LRRC8A: variants seen among roughly 807,000 people sequenced by gnomAD.
LRRC8A encodes the protein volume-regulated anion channel subunit LRRC8A.
A neutral mutation model predicts 52.5 loss-of-function variants in LRRC8A; 24 were observed. The observed-to-expected ratio is 0.46, with a 90% CI of 0.33 to 0.64. LRRC8A has a LOEUF of 0.64. Ranked by LOEUF, LRRC8A falls within the 30% of genes least tolerant of loss-of-function variation. The pLI is 0.02. For synonymous variants in LRRC8A, 492 were observed against 494.2 expected (o/e 1.00, Z 0.06); for missense variants, 677 against 1,094.7 (o/e 0.62, Z 5.38).
intron 2 of LRRC8A, among the ~76,000 whole-genome samples, chr9:128,897,387 A>AT (rs1839857304): frequency 6.7e-6 from 1 of 149,466 alleles, no homozygotes; most frequent in African/African-American, 2.5e-5. Flanking sequence ...AATTTTTTAT[A>AT]TTTTTAGTAG....
intron 3 of LRRC8A, among the ~76,000 whole-genome samples, chr9:128,912,103 T>C (rs955615890): frequency 3.3e-5 from 5 of 152,250 alleles, no homozygotes; most frequent in Non-Finnish European, 5.9e-5. Context: ...GTTTGTTTTT[T>C]TGGTAGAGAC....
At position 128,892,823 on chromosome 9, in the gene LRRC8A, C is replaced by T. The variant is rs1016488103; in HGVS notation, c.-9+6702C>T. ...CCCTGGGAGAGCACTGGAGGGCCAG[C>T]CTTCCCATCTCTGGTACAGGAGGGG... is the stretch of plus-strand genomic sequence containing the variant. On this transcript the variant is annotated intron_variant, in intron 2 of 3. Transcript: ENST00000372600. The surrounding 1 kb of genome is among the most constrained non-coding windows in gnomAD (Gnocchi z 5.2). Among the ~76,000 whole-genome samples, 4 of 152,172 alleles carry T rather than the reference C, an allele frequency of 2.6e-5. No homozygotes were observed. Among genetic ancestry groups the T allele is most frequent in the Non-Finnish European group, 4.4e-5 (3 of 68,034 alleles).
chr9:128,889,630 G>A (rs1474096091), intron 2 of LRRC8A, among the ~76,000 whole-genome samples: 3 of 151,920 alleles, frequency 2.0e-5, no homozygotes, highest in Non-Finnish European at 1.5e-5. Flanking sequence ...GAGTAGCTGG[G>A]ACTACAGGTG....
intron 2 of LRRC8A, among the ~76,000 whole-genome samples, chr9:128,898,097 CAG>C (rs1839892428): frequency 7.0e-6 from 1 of 143,712 alleles, no homozygotes; most frequent in Non-Finnish European, 1.5e-5. Flanking sequence ...TAATTTATGG[CAG>C]AGGGGTTATG....
At position 128,909,003 on chromosome 9, in the gene LRRC8A, C is replaced by T; in HGVS notation, c.1839C>T (p.Leu613=). Residue 613 remains leucine (L), a synonymous_variant, in exon 3 of 4, where the codon CTC becomes CTT. Transcript: ENST00000372600. ...LERIPHSIFS[L]HNLQEIDLKD... ...GCATCCCCCACTCCATCTTCAGCCT[C>T]CACAACCTGCAGGAGATTGACCTCA... 1 of 1,614,182 alleles carries T rather than the reference C, an allele frequency of 6.2e-7. No homozygotes were observed. The highest frequency in any genetic ancestry group is 1.1e-5 in the South Asian group (1 of 91,086).
Position 128,892,235 on chromosome 9 carries a change from G to A in LRRC8A, c.-9+6114G>A, listed in dbSNP as rs1839651650. Among the ~76,000 whole-genome samples, 1 of 152,224 alleles carries A rather than the reference G, an allele frequency of 6.6e-6. No homozygotes were observed. Among genetic ancestry groups the A allele is most frequent in the Non-Finnish European group, 1.5e-5 (1 of 68,038 alleles). The stretch of plus-strand genomic sequence containing the variant: ...ATACTGGGCACTTAGTTGACGGTCA[G>A]TAACTGGGCGCTCCTGCCCCAGCCT... On this transcript the variant is annotated intron_variant, in intron 2 of 3. Coordinates refer to ENST00000372600, the MANE Select transcript of LRRC8A (RefSeq NM_019594.4). The surrounding 1 kb of genome is among the most constrained non-coding windows in gnomAD (Gnocchi z 5.2).
chr9:128,904,431 T>C (rs1256641586), intron 2 of LRRC8A, among the ~76,000 whole-genome samples: 1 of 151,864 alleles, frequency 6.6e-6, no homozygotes, highest in Non-Finnish European at 1.5e-5. Context: ...GGCAGGAGAA[T>C]CATGTGAACC....
At chr9:128,896,121 G>T (rs183239417) in intron 2 of LRRC8A, among the ~76,000 whole-genome samples, 1 of 152,176 alleles carries the variant, frequency 6.6e-6, no homozygotes, top group South Asian at 2.1e-4. Context: ...TTCCATGCAT[G>T]CTTTTGTATC....
rs1840320779 is a variant in LRRC8A at position 128,907,936 on chromosome 9, G to T, written c.772G>T (p.Asp258Tyr). ...KKFRTHVEEGDIVYRLYMRQT... is the reference protein window; with the variant it reads ...KKFRTHVEEGYIVYRLYMRQT... ...GTTCCGGACCCATGTGGAGGAGGGG[G>T]ACATTGTGTACCGCCTCTACATGCG... Residue 258 changes from aspartate (D) to tyrosine (Y), a missense_variant, in exon 3 of 4, where the codon GAC becomes TAC. By Grantham distance (160) the Asp-to-Tyr change is radical. Around this residue, in one of 4 missense-constraint regions of LRRC8A, gnomAD observed 422 missense variants for 741.5 expected, o/e 0.57. Transcript: ENST00000372600. The surrounding 1 kb of genome is among the most constrained non-coding windows in gnomAD (Gnocchi z 9.3). 6.2e-7 allele frequency: 1 copy of T among 1,614,094 alleles called. No individual in the cohort carries two copies. The highest frequency in any genetic ancestry group is 1.3e-5 in the African/African-American group (1 of 75,034).
rs1227126243 is a variant in LRRC8A at position 128,899,278 on chromosome 9, G to A, written c.-8-7879G>A. 6.6e-6 allele frequency among the ~76,000 whole-genome samples: 1 copy of A among 152,172 alleles called. No individual in the cohort carries two copies. Among genetic ancestry groups the A allele is most frequent in the Non-Finnish European group, 1.5e-5 (1 of 68,020 alleles). On this transcript the variant is annotated intron_variant, in intron 2 of 3. Transcript: ENST00000372600. The surrounding 1 kb of genome is among the most constrained non-coding windows in gnomAD (Gnocchi z 4.0). The stretch of plus-strand genomic sequence containing the variant: ...CCGAGCACAGGGAGGATAAGCAAGG[G>A]CACTTTCCGTAAGGCAGAGATAGCC...
intron 2 of LRRC8A, among the ~76,000 whole-genome samples, chr9:128,901,030 G>A (rs1390183427): frequency 6.6e-6 from 1 of 152,114 alleles, no homozygotes; most frequent in African/African-American, 2.4e-5. Context: ...AAAATTATCC[G>A]GGCATGGTGG....
Position 128,909,033 on chromosome 9 carries a change from C to CA in LRRC8A, c.1871dup (p.Asn624LysfsTer22). ...ACCTGCAGGAGATTGACCTCAAGGA[C>CA]AACAACCTCAAGACCATCGAGGAGA... On this transcript the variant is annotated frameshift_variant, in exon 3 of 4. Transcript: ENST00000372600. LOFTEE classifies it high-confidence loss of function. The CA allele has an allele frequency of 6.2e-7, 1 of 1,614,172 alleles. No homozygotes were observed. Among genetic ancestry groups the CA allele is most frequent in the Non-Finnish European group, 8.5e-7 (1 of 1,180,032 alleles).
rs567780373 is a variant in LRRC8A, at chr9:128,911,573, G to T, written c.2157+2252G>T. Among the ~76,000 whole-genome samples the T allele has an allele frequency of 1.3e-5, 2 of 152,044 alleles. No homozygotes were observed. The highest frequency in any genetic ancestry group is 2.9e-5 in the Non-Finnish European group (2 of 67,978). On this transcript the variant is annotated intron_variant, in intron 3 of 3. Coordinates refer to ENST00000372600, the MANE Select transcript of LRRC8A (RefSeq NM_019594.4). This position sits in a 1 kb window ranked among gnomAD's most constrained non-coding sequence, Gnocchi z 4.9. ...GCTCCTGCCATTCCTGCCCTGTCCC[G>T]GGTGCTGTGCTGGGGCTGTCCTCCT...
At chr9:128,897,878 G>T (rs1213724438) in intron 2 of LRRC8A, among the ~76,000 whole-genome samples, 1 of 151,350 alleles carries the variant, frequency 6.6e-6, no homozygotes, top group Admixed American at 6.6e-5. Flanking sequence ...AGTAACAAAT[G>T]GTTATAATAA....
At chr9:128,906,531 C>T (rs1840259465) in intron 2 of LRRC8A, among the ~76,000 whole-genome samples, 1 of 152,112 alleles carries the variant, frequency 6.6e-6, no homozygotes. Flanking sequence ...CCATGTTGGC[C>T]AGGCTGGTCT....
chr9:128,907,407 C>A lies in LRRC8A; in HGVS notation c.243C>A (p.Tyr81Ter). Residue 81 changes from tyrosine to a stop codon, truncating the protein, a stop_gained, in exon 3 of 4, where the codon TAC becomes TAA. Coordinates refer to ENST00000372600, the MANE Select transcript of LRRC8A (RefSeq NM_019594.4). LOFTEE classifies it high-confidence loss of function. This position sits in a 1 kb window ranked among gnomAD's most constrained non-coding sequence, Gnocchi z 9.3. ...CAGCCCCTGGCCCGGAGCCCACCTA[C>A]CCCAACTCCACCATTCTGCCGACCC... ...GWAAPGPEPT[Y>*]PNSTILPTPD... The A allele has an allele frequency of 6.2e-7, 1 of 1,613,416 alleles. No homozygotes were observed. Among genetic ancestry groups the A allele is most frequent in the Non-Finnish European group, 8.5e-7 (1 of 1,180,030 alleles).
rs1276059237 is a variant in LRRC8A, at chr9:128,911,314, A to G, written c.2157+1993A>G. Among the ~76,000 whole-genome samples the G allele has an allele frequency of 6.6e-6, 1 of 152,176 alleles. No individual in the cohort carries two copies. The highest frequency in any genetic ancestry group is 2.4e-5 in the African/African-American group (1 of 41,440). On this transcript the variant is annotated intron_variant, in intron 3 of 3. Coordinates refer to ENST00000372600, the MANE Select transcript of LRRC8A (RefSeq NM_019594.4). The surrounding 1 kb of genome is among the most constrained non-coding windows in gnomAD (Gnocchi z 4.9). ...GTATCAGGGATTTTGACAAGTCCTTATCTCCGGCCACCCCATATTATGACT... is the reference window on the plus strand; with the variant it reads ...GTATCAGGGATTTTGACAAGTCCTTGTCTCCGGCCACCCCATATTATGACT...
intron 2 of LRRC8A, among the ~76,000 whole-genome samples, chr9:128,886,529 A>C (rs116439899): frequency 1.0e-3 from 155 of 152,328 alleles, no homozygotes; most frequent in African/African-American, 3.7e-3. Context: ...TCCTTGCTGC[A>C]GGACTTATCA....
chr9:128,900,816 T>C (rs1839996141), intron 2 of LRRC8A, among the ~76,000 whole-genome samples: 2 of 152,110 alleles, frequency 1.3e-5, no homozygotes, highest in Non-Finnish European at 2.9e-5. Context: ...TCACTCAAGT[T>C]CAGGCGTTTG....
Sources: gnomAD v4.1 joint callset for allele counts (sites outside exome capture counted in the v4.1 genomes callset) on GRCh38, gnomAD v4.1.1 for gene constraint, gnomAD v4.1.1 regional missense constraint, Gnocchi (gnomAD v3.1) non-coding constraint, MANE v1.5 for transcripts, NCBI Gene and HGNC (gene_info 2026-07-23, HGNC 2026-07-21) for gene names.